The following TNFRSF8 variants were observed in gnomAD, a reference collection of about 807,000 sequenced individuals.
TNFRSF8 encodes the protein tumor necrosis factor receptor superfamily member 8.
A neutral mutation model predicts 70.8 loss-of-function variants in TNFRSF8; 26 were observed. The ratio of observed to expected loss-of-function variants is 0.37; its 90% CI spans 0.27 to 0.51. TNFRSF8 has a LOEUF of 0.51. Ranked by LOEUF, TNFRSF8 falls within the 20% of genes least tolerant of loss-of-function variation. The probability of loss-of-function intolerance (pLI) is 0.94; values close to 1 mark genes in which losing one functional copy is unlikely to be tolerated. For missense variants in TNFRSF8, 720 were observed against 807.9 expected, an observed-to-expected ratio of 0.89 and a Z score of 1.32; for synonymous variants, 356 against 339.2, an observed-to-expected ratio of 1.05 and a Z score of -0.54.
intron 2 of TNFRSF8, among the ~76,000 whole-genome samples, chr1:12,091,867 T>G (rs914511161): frequency 5.3e-5 from 8 of 152,198 alleles, no homozygotes. Context: ...TAGAGTCTCA[T>G]GAGGAGCATG....
chr1:12,072,756 A>G (rs1172772040), intron 1 of TNFRSF8, among the ~76,000 whole-genome samples: 1 of 152,184 alleles, frequency 6.6e-6, no homozygotes, highest in African/African-American at 2.4e-5. Context: ...GAGTGCGTGC[A>G]CAGATAATGT....
chr1:12,072,107 C>T (rs1007306860), intron 1 of TNFRSF8, among the ~76,000 whole-genome samples: 2 of 152,136 alleles, frequency 1.3e-5, no homozygotes, highest in Non-Finnish European at 2.9e-5. Context: ...CTGTGTGCCT[C>T]GGTTTCCCCA....
chr1:12,119,883 T>C lies in TNFRSF8; in HGVS notation c.947-3401T>C, dbSNP rs1197013095. On this transcript the variant is annotated intron_variant, in intron 8 of 14. Coordinates refer to ENST00000263932, the MANE Select transcript of TNFRSF8 (RefSeq NM_001243.5). This position sits in a 1 kb window ranked among gnomAD's most constrained non-coding sequence, Gnocchi z 4.4. ...TAGTCAGAATGTTTTTGAGGACTAGTCAAAGCTGGATACCTCTGGTCTGAT... is the reference window on the plus strand; with the variant it reads ...TAGTCAGAATGTTTTTGAGGACTAGCCAAAGCTGGATACCTCTGGTCTGAT... Among the ~76,000 whole-genome samples the C allele has an allele frequency of 2.0e-5, 3 of 152,166 alleles. No individual in the cohort carries two copies. The highest frequency in any genetic ancestry group is 4.4e-5 in the Non-Finnish European group (3 of 68,038).
rs1570089292 is a variant in TNFRSF8 at position 12,138,181 on chromosome 1, T to G, written c.1336-48T>G. The G allele has an allele frequency of 6.3e-7, 1 of 1,586,802 alleles. No homozygotes were observed. Among genetic ancestry groups the G allele is most frequent in the East Asian group, 2.3e-5 (1 of 44,412 alleles). On this transcript the variant is annotated intron_variant, in intron 13 of 14. Coordinates refer to ENST00000263932, the MANE Select transcript of TNFRSF8 (RefSeq NM_001243.5). This position sits in a 1 kb window ranked among gnomAD's most constrained non-coding sequence, Gnocchi z 5.7. ...AGGGGCCTCCCAGTTCAGAGACTGG[T>G]GGGGAGGTTGGGGGTACCCTGCAGC...
At chr1:12,096,995 G>T in intron 2 of TNFRSF8, 106 bp from the exon 3 acceptor site, 1 of 787,966 alleles carries the variant, frequency 1.3e-6, no homozygotes, top group Non-Finnish European at 2.1e-6. Flanking sequence ...TTCGGGGGTT[G>T]GAGGTGGAGC....
chr1:12,133,037 C>G (rs543786105), intron 12 of TNFRSF8, among the ~76,000 whole-genome samples: 3 of 152,222 alleles, frequency 2.0e-5, no homozygotes, highest in Admixed American at 1.3e-4. Context: ...TCCAGGGTGG[C>G]TAAGCGGCCT....
intron 12 of TNFRSF8, among the ~76,000 whole-genome samples, chr1:12,131,655 A>G (rs1256457282): frequency 1.3e-5 from 2 of 152,138 alleles, no homozygotes; most frequent in East Asian, 3.9e-4. Context: ...CACCACGCCC[A>G]GCTAACTTTT....
In TNFRSF8 at chr1:12,109,717, C is replaced by T; in HGVS notation, c.512+61C>T. On this transcript the variant is annotated intron_variant, in intron 5 of 14. Coordinates refer to ENST00000263932, the MANE Select transcript of TNFRSF8 (RefSeq NM_001243.5). This position sits in a 1 kb window ranked among gnomAD's most constrained non-coding sequence, Gnocchi z 4.4. ...AGCTGGCTTTCAGATGAGGCTGCCC[C>T]ACCCCACAGGACGCCCATGGTACAA... 7.0e-7 allele frequency: 1 copy of T among 1,422,986 alleles called. No individual in the cohort carries two copies. The highest frequency in any genetic ancestry group is 9.9e-7 in the Non-Finnish European group (1 of 1,011,908). The allele number at this position is 1,422,986 out of a possible 1,614,324, so 88.1% of individuals were successfully genotyped here. A position where few individuals can be genotyped will look rare whatever the true frequency, so the allele number is the denominator to read the frequency against.
intron 1 of TNFRSF8, among the ~76,000 whole-genome samples, chr1:12,068,020 C>T (rs1367970933): frequency 2.6e-5 from 4 of 152,022 alleles, no homozygotes; most frequent in Admixed American, 6.6e-5. Context: ...AGTCGTGTTA[C>T]TCAGCTTGAG....
chr1:12,070,997 T>G (rs1046497686), intron 1 of TNFRSF8, among the ~76,000 whole-genome samples: 1 of 152,010 alleles, frequency 6.6e-6, no homozygotes, highest in South Asian at 2.1e-4. Context: ...AAGACCCCCT[T>G]TTTTTGGCCC....
intron 12 of TNFRSF8, among the ~76,000 whole-genome samples, chr1:12,127,950 A>T (rs1250058790): frequency 6.6e-6 from 1 of 151,980 alleles, no homozygotes; most frequent in Non-Finnish European, 1.5e-5. Flanking sequence ...GTCGTTTTTG[A>T]CCCTCTAGCT....
intron 2 of TNFRSF8, among the ~76,000 whole-genome samples, chr1:12,089,620 T>C (rs1390125354): frequency 1.3e-5 from 2 of 152,152 alleles, no homozygotes; most frequent in South Asian, 2.1e-4. Flanking sequence ...CTCTGTTGGA[T>C]ATAGGGTTAT....
At chr1:12,066,227 C>T (rs1367653639) in intron 1 of TNFRSF8, among the ~76,000 whole-genome samples, 2 of 152,010 alleles carry the variant, frequency 1.3e-5, no homozygotes, top group Non-Finnish European at 2.9e-5. Flanking sequence ...GACTACCTGC[C>T]CAACACAGTA....
At chr1:12,066,039 C>T (rs548936188) in intron 1 of TNFRSF8, among the ~76,000 whole-genome samples, 1 of 152,230 alleles carries the variant, frequency 6.6e-6, no homozygotes, top group South Asian at 2.1e-4. Context: ...AACTTTCCCA[C>T]ATCCTAACCG....
intron 1 of TNFRSF8, among the ~76,000 whole-genome samples, chr1:12,067,174 T>G (rs1021538570): frequency 6.6e-6 from 1 of 152,182 alleles, no homozygotes; most frequent in African/African-American, 2.4e-5. Context: ...AGCTCCATCC[T>G]TTTCATCCAG....
Position 12,109,667 on chromosome 1 carries a change from G to T in TNFRSF8, c.512+11G>T, listed in dbSNP as rs1363029359. On this transcript the variant is annotated intron_variant, in intron 5 of 14. Coordinates refer to ENST00000263932, the MANE Select transcript of TNFRSF8 (RefSeq NM_001243.5). This position sits in a 1 kb window ranked among gnomAD's most constrained non-coding sequence, Gnocchi z 4.4. ...CAAGGAACCCTCCAGGTGACTCCCTGGCTTTGCCTCCTCCTCTTCCCCCAA... is the reference window on the plus strand; with the variant it reads ...CAAGGAACCCTCCAGGTGACTCCCTTGCTTTGCCTCCTCCTCTTCCCCCAA... The T allele has an allele frequency of 6.2e-7, 1 of 1,611,190 alleles. No homozygotes were observed. Among genetic ancestry groups the T allele is most frequent in the East Asian group, 2.2e-5 (1 of 44,866 alleles).
At chr1:12,123,882 A>T (rs1383988903) in intron 10 of TNFRSF8, 55 bp downstream of exon 10, 1 of 1,456,926 alleles carries the variant, frequency 6.9e-7, no homozygotes, top group Non-Finnish European at 9.4e-7. Context: ...CTCCTGGGGA[A>T]GTGTGGATTG....
chr1:12,117,309 C>T (rs898841048), intron 8 of TNFRSF8, among the ~76,000 whole-genome samples: 11 of 152,154 alleles, frequency 7.2e-5, no homozygotes, highest in Non-Finnish European at 1.6e-4. Context: ...TCTGGAACTC[C>T]TGACCTCAAG....
At chr1:12,135,158 A>G (rs944299278) in intron 12 of TNFRSF8, among the ~76,000 whole-genome samples, 3 of 151,918 alleles carry the variant, frequency 2.0e-5, no homozygotes, top group Non-Finnish European at 4.4e-5. Context: ...TACTGAAAAT[A>G]CAAAAAAATT....
Sources: allele counts gnomAD v4.1 joint callset (sites outside exome capture counted in the v4.1 genomes callset), GRCh38; gene constraint gnomAD v4.1.1; non-coding constraint Gnocchi (gnomAD v3.1); transcripts MANE v1.5; gene names NCBI Gene and HGNC (gene_info 2026-07-23, HGNC 2026-07-21).